The following MAML3 variants were observed in gnomAD, a reference collection of about 807,000 sequenced individuals.
MAML3 encodes the protein mastermind-like protein 3.
Under a neutral mutation model 101.9 loss-of-function variants are expected in MAML3, and 27 were observed. That is an observed-to-expected ratio of 0.27 (90% CI 0.20 to 0.37). MAML3 has a LOEUF of 0.37. Among genes scored for constraint, MAML3 ranks in the 10% least tolerant of loss-of-function variants. The pLI, the probability that MAML3 is intolerant of heterozygous loss-of-function variation, is 1.00. For synonymous variants in MAML3, 501 were observed against 555.9 expected (o/e 0.90, Z 1.39); for missense variants, 1,316 against 1,444.9 (o/e 0.91, Z 1.45).
intron 1 of MAML3, among the ~76,000 whole-genome samples, chr4:140,144,154 C>A (rs1442671668): frequency 6.6e-6 from 1 of 152,134 alleles, no homozygotes; most frequent in African/African-American, 2.4e-5. Flanking sequence ...CCCCTGCCTT[C>A]TAGACACCTG....
At chr4:139,908,086 T>A (rs769584355) in intron 1 of MAML3, among the ~76,000 whole-genome samples, 1 of 152,210 alleles carries the variant, frequency 6.6e-6, no homozygotes, top group Non-Finnish European at 1.5e-5. Flanking sequence ...GGAACTCAGT[T>A]AACTATGCTC....
At chr4:139,753,645 C>T (rs1248812477) in intron 2 of MAML3, among the ~76,000 whole-genome samples, 2 of 152,144 alleles carry the variant, frequency 1.3e-5, no homozygotes, top group Non-Finnish European at 2.9e-5. Flanking sequence ...TATGCTCCTT[C>T]CCTACATACA....
intron 1 of MAML3, among the ~76,000 whole-genome samples, chr4:140,028,441 T>A (rs1431118182): frequency 6.6e-6 from 1 of 152,182 alleles, no homozygotes; most frequent in African/African-American, 2.4e-5. Flanking sequence ...CTCTCTTTCC[T>A]CCCCATCTCT....
At chr4:139,889,027 C>A (rs966659435) in intron 2 of MAML3, among the ~76,000 whole-genome samples, 21 of 152,174 alleles carry the variant, frequency 1.4e-4, no homozygotes, top group Middle Eastern at 3.2e-3. Flanking sequence ...AGAGAAGCTA[C>A]AGAGGTAGTG....
At chr4:139,874,864 C>T (rs1434714398) in intron 2 of MAML3, among the ~76,000 whole-genome samples, 2 of 142,856 alleles carry the variant, frequency 1.4e-5, no homozygotes, top group Non-Finnish European at 3.0e-5. Flanking sequence ...AGTGCAGTGG[C>T]GCGATCTCAG....
intron 2 of MAML3, among the ~76,000 whole-genome samples, chr4:139,810,102 AT>A (rs112089071): frequency 0.027 from 4,118 of 150,268 alleles, 202 homozygotes; most frequent in African/African-American, 0.095. Flanking sequence ...CGAAAAATAC[AT>A]TTTTTTTGAC....
chr4:139,755,562 C>A (rs534028558), intron 2 of MAML3, among the ~76,000 whole-genome samples: 1 of 152,086 alleles, frequency 6.6e-6, no homozygotes, highest in African/African-American at 2.4e-5. Context: ...GAGAGGAGAT[C>A]GCACCACTAC....
chr4:139,938,464 G>A (rs1578607459), intron 1 of MAML3, among the ~76,000 whole-genome samples: 1 of 152,170 alleles, frequency 6.6e-6, no homozygotes, highest in South Asian at 2.1e-4. Flanking sequence ...ACTCATTCAA[G>A]CCACCTCTAG....
intron 3 of MAML3, among the ~76,000 whole-genome samples, chr4:139,728,563 G>A (rs189792589): frequency 6.6e-6 from 1 of 152,254 alleles, no homozygotes; most frequent in Admixed American, 6.5e-5. Flanking sequence ...GCAAAAGAAC[G>A]GACAAATCTT....
At chr4:139,996,724 C>A (rs1441153840) in intron 1 of MAML3, among the ~76,000 whole-genome samples, 4 of 150,668 alleles carry the variant, frequency 2.7e-5, no homozygotes, top group African/African-American at 4.9e-5. Flanking sequence ...TCCAGTCTGA[C>A]AATGTCTGCC....
chr4:140,088,070 A>G (rs938697815), intron 1 of MAML3, among the ~76,000 whole-genome samples: 2 of 152,152 alleles, frequency 1.3e-5, no homozygotes, highest in African/African-American at 2.4e-5. Flanking sequence ...CTCCAAAAAA[A>G]ATTTAAAAAA....
At chr4:139,869,622 T>G (rs965960005) in intron 2 of MAML3, among the ~76,000 whole-genome samples, 2 of 152,178 alleles carry the variant, frequency 1.3e-5, no homozygotes, top group African/African-American at 4.8e-5. Flanking sequence ...CCTATGTGCA[T>G]GACCAACCAA....
At chr4:139,966,347 T>C (rs1734129993) in intron 1 of MAML3, among the ~76,000 whole-genome samples, 1 of 152,150 alleles carries the variant, frequency 6.6e-6, no homozygotes, top group African/African-American at 2.4e-5. Context: ...TTTTAACACA[T>C]GCAGAACACG....
chr4:140,124,057 A>G (rs371940211), intron 1 of MAML3, among the ~76,000 whole-genome samples: 2 of 152,342 alleles, frequency 1.3e-5, no homozygotes, highest in South Asian at 2.1e-4. Flanking sequence ...TTCCAAACAT[A>G]TATCAGTAAC....
chr4:139,781,580 G>A (rs1288131547), intron 2 of MAML3, among the ~76,000 whole-genome samples: 5 of 149,246 alleles, frequency 3.4e-5, no homozygotes, highest in Non-Finnish European at 7.4e-5. Flanking sequence ...AGCTTCATTT[G>A]TTCTCCTGCA....
At chr4:139,754,228 G>A (rs941798025) in intron 2 of MAML3, among the ~76,000 whole-genome samples, 2 of 152,170 alleles carry the variant, frequency 1.3e-5, no homozygotes, top group African/African-American at 4.8e-5. Flanking sequence ...GTTTTTAAAT[G>A]TAAAAAATCA....
intron 1 of MAML3, among the ~76,000 whole-genome samples, chr4:140,086,906 T>A (rs1223923845): frequency 1.3e-5 from 2 of 152,216 alleles, no homozygotes; most frequent in Non-Finnish European, 2.9e-5. Context: ...ACGCCTGTAA[T>A]CCCAGCACTT....
chr4:140,013,976 G>T (rs1164876320), intron 1 of MAML3, among the ~76,000 whole-genome samples: 1 of 152,214 alleles, frequency 6.6e-6, no homozygotes, highest in African/African-American at 2.4e-5. Flanking sequence ...TGTTCTGAAA[G>T]CACTTGAGAA....
intron 2 of MAML3, among the ~76,000 whole-genome samples, chr4:139,774,915 C>A (rs973147956): frequency 6.6e-6 from 1 of 152,110 alleles, no homozygotes; most frequent in Admixed American, 6.5e-5. Flanking sequence ...GCTAATCAGG[C>A]CGATGATCTC....
Sources: gnomAD v4.1 joint callset for allele counts (sites outside exome capture counted in the v4.1 genomes callset) on GRCh38, gnomAD v4.1.1 for gene constraint, MANE v1.5 for transcripts, NCBI Gene and HGNC (gene_info 2026-07-23, HGNC 2026-07-21) for gene names.